UBE2L5: variants seen among roughly 807,000 people sequenced by gnomAD.
The protein encoded by UBE2L5 is ubiquitin conjugating enzyme E2 L5.
A neutral mutation model predicts 10.0 loss-of-function variants in UBE2L5; 3 were observed. The ratio of observed to expected loss-of-function variants is 0.30; its 90% CI spans 0.14 to 0.78. The LOEUF (loss-of-function observed/expected upper bound fraction) is 0.78, where lower values mean the gene tolerates loss of function less well. UBE2L5 is among the 30% of genes least tolerant of loss of function. The pLI is 0.65. For synonymous variants in UBE2L5, 60 were observed against 71.9 expected (o/e 0.83, Z 0.83); for missense variants, 131 against 193.3 (o/e 0.68, Z 1.91).
At chr13:30,427,327 A>G (rs574393600) in intron 3 of UBE2L5, 34 bp from the exon 4 acceptor site, 1 of 152,342 alleles carries the variant, frequency 6.6e-6, no homozygotes, top group South Asian at 2.1e-4. Context: ...GATACATTTT[A>G]TCATTTCCCA....
In UBE2L5 at chr13:30,427,782, C is replaced by T. The variant is rs567949910; in HGVS notation, c.-209C>T. On this transcript the variant is annotated 5_prime_UTR_variant, in exon 4 of 4. The change creates a premature stop within an existing upstream ORF in the 5' untranslated region. Coordinates refer to ENST00000635918, the MANE Select transcript of UBE2L5 (RefSeq NM_001355247.2). ...TGGTGCCACTGCACTCCAGCCTGGG[C>T]AACAGAGAGAGACTCTGGCTAAAAA... 1.6e-5 allele frequency: 9 copies of T among 564,860 alleles called. No homozygotes were observed. The South Asian group carries it at 2.1e-4, about 13-fold the overall frequency. 35.0% of individuals were successfully genotyped at this position (564,860 alleles called of 1,614,324 possible).
At position 30,428,179 on chromosome 13, in the gene UBE2L5, C is replaced by A; in HGVS notation, c.189C>A (p.Phe63Leu). Reference sequence around the variant, plus strand: ...TCAACTTTCCAGCAGAGTACCCATTCAAACCACCGAGGATCACATTTAAAA... The same window carrying A: ...TCAACTTTCCAGCAGAGTACCCATTAAAACCACCGAGGATCACATTTAAAA... The part of the protein sequence containing the change: ...IEINFPAEYP[F>L]KPPRITFKTK... The change falls in exon 4 of 4, where the codon TTC becomes TTA. Residue 63 changes from phenylalanine to leucine, a missense_variant. Transcript: ENST00000635918. 1 of 1,607,078 alleles carries A rather than the reference C, an allele frequency of 6.2e-7. No homozygotes were observed. Among genetic ancestry groups the A allele is most frequent in the Non-Finnish European group, 8.5e-7 (1 of 1,173,604 alleles).
intron 2 of UBE2L5, among the ~76,000 whole-genome samples, chr13:30,426,342 C>T (rs1423159487): frequency 5.3e-5 from 8 of 151,894 alleles, no homozygotes; most frequent in African/African-American, 1.5e-4. Flanking sequence ...AGTATGGATG[C>T]GAGTCGGGGC....
rs1885560297 is a variant in UBE2L5, at chr13:30,427,817, T to A, written c.-174T>A. The A allele has an allele frequency of 2.1e-5, 12 of 571,042 alleles. No individual in the cohort carries two copies. Among genetic ancestry groups the A allele is most frequent in the South Asian group, 1.0e-4 (4 of 39,770 alleles). 35.4% of individuals were successfully genotyped at this position (571,042 alleles called of 1,614,324 possible). ...AGACTCTGGCTAAAAAAAAAAAAAA[T>A]TATAATGTATAGGATTGTGGATGAT... On this transcript the variant is annotated 5_prime_UTR_variant, in exon 4 of 4. Transcript: ENST00000635918.
chr13:30,428,210 A>T lies in UBE2L5; in HGVS notation c.220A>T (p.Ile74Phe). 6.2e-7 allele frequency: 1 copy of T among 1,608,650 alleles called. No individual in the cohort carries two copies. The highest frequency in any genetic ancestry group is 8.5e-7 in the Non-Finnish European group (1 of 1,175,100). The change falls in exon 4 of 4, where the codon ATC becomes TTC. Residue 74 changes from isoleucine (I) to phenylalanine (F), a missense_variant. Ile to Phe is a conservative substitution (Grantham distance 21). Transcript: ENST00000635918. ...ACCGAGGATCACATTTAAAACAAAGATCTATCACCCGAACATCGACGAAAA... is the reference window on the plus strand; with the variant it reads ...ACCGAGGATCACATTTAAAACAAAGTTCTATCACCCGAACATCGACGAAAA... ...KPPRITFKTKIYHPNIDEKGQ... is the reference protein window; with the variant it reads ...KPPRITFKTKFYHPNIDEKGQ...
Position 30,428,516 on chromosome 13 carries a change from C to A in UBE2L5, c.*61C>A. On this transcript the variant is annotated 3_prime_UTR_variant, in exon 4 of 4. Transcript: ENST00000635918. The stretch of plus-strand genomic sequence containing the variant: ...AGACCCCGTGCAGTACATTCAGACA[C>A]CCCGCAAAGCAGGACTCTGTGGAAA... 1 of 1,567,246 alleles carries A rather than the reference C, an allele frequency of 6.4e-7. No individual in the cohort carries two copies. The highest frequency in any genetic ancestry group is 8.6e-7 in the Non-Finnish European group (1 of 1,158,880).
intron 1 of UBE2L5, among the ~76,000 whole-genome samples, chr13:30,424,153 T>C (rs960690624): frequency 1.3e-5 from 2 of 152,188 alleles, no homozygotes; most frequent in Non-Finnish European, 2.9e-5. Context: ...AACAGCAGTG[T>C]TAGGTGTGAG....
intron 3 of UBE2L5, chr13:30,427,069 C>T (rs1242603484): frequency 6.6e-6 from 1 of 152,066 alleles, no homozygotes; most frequent in African/African-American, 2.4e-5. Flanking sequence ...CTTTTCATGT[C>T]GTTCTGGGTA....
rs991657701 is a variant in UBE2L5 at position 30,422,587 on chromosome 13, C to T, written c.-869C>T. On this transcript the variant is annotated 5_prime_UTR_variant, in exon 1 of 4. Coordinates refer to ENST00000635918, the MANE Select transcript of UBE2L5 (RefSeq NM_001355247.2). Reference sequence around the variant, plus strand: ...AAAACTACAATTAAAAAAACATAGCCGTGAAAATAAATGAGATTAGAACCT... The same window carrying T: ...AAAACTACAATTAAAAAAACATAGCTGTGAAAATAAATGAGATTAGAACCT... 2 of 152,178 alleles carry T rather than the reference C, an allele frequency of 1.3e-5. No individual in the cohort carries two copies. The highest frequency in any genetic ancestry group is 1.3e-4 in the Admixed American group (2 of 15,280). The allele number at this position is 152,178 out of a possible 1,614,324, so 9.4% of individuals were successfully genotyped here.
In UBE2L5 at chr13:30,427,705, G is replaced by A. The variant is rs1225292182; in HGVS notation, c.-286G>A. ...TGTAATCACAGCCACTTGGGAGGCC[G>A]AGGCGAGAGGATGGCTTGAACCCGG... On this transcript the variant is annotated 5_prime_UTR_variant, in exon 4 of 4. Transcript: ENST00000635918. 1.5e-5 allele frequency: 6 copies of A among 410,886 alleles called. No homozygotes were observed. Among genetic ancestry groups the A allele is most frequent in the African/African-American group, 2.1e-5 (1 of 48,568 alleles). 25.5% of individuals were successfully genotyped at this position (410,886 alleles called of 1,614,324 possible).
At chr13:30,426,986 T>C (rs1401195397) in intron 3 of UBE2L5, 1 of 152,240 alleles carries the variant, frequency 6.6e-6, no homozygotes, top group Non-Finnish European at 1.5e-5. Context: ...GTGCCATTAA[T>C]AATTTATTGT....
At chr13:30,423,743 T>A (rs1297411189) in intron 1 of UBE2L5, among the ~76,000 whole-genome samples, 1 of 152,260 alleles carries the variant, frequency 6.6e-6, no homozygotes, top group African/African-American at 2.4e-5. Flanking sequence ...CACAAAAATT[T>A]GGCCTTCAGG....
chr13:30,426,835 T>A (rs1885545237), intron 3 of UBE2L5, 57 bp downstream of exon 3: 1 of 152,238 alleles, frequency 6.6e-6, no homozygotes, highest in African/African-American at 2.4e-5. Context: ...TGCAGAGAAG[T>A]CTTATTGAAG....
Position 30,428,448 on chromosome 13 carries a change from T to C in UBE2L5, c.458T>C (p.Val153Ala), listed in dbSNP as rs1177386586. 41 of 1,610,774 alleles carry C rather than the reference T, an allele frequency of 2.5e-5. No homozygotes were observed. The highest frequency in any genetic ancestry group is 3.4e-5 in the Non-Finnish European group (40 of 1,179,508). The part of the protein sequence containing the change: ...FTKKYGEKRP[V>A]D The stretch of plus-strand genomic sequence containing the variant: ...AAGAAATATGGGGAAAAGCGACCTG[T>C]GGACTAAAATGTGCCACGATTGGTT... Residue 153 changes from valine to alanine, a missense_variant, in exon 4 of 4, where the codon GTG (valine) becomes GCG (alanine). Physicochemically the swap from Val to Ala is moderately conservative, Grantham distance 64. Coordinates refer to ENST00000635918, the MANE Select transcript of UBE2L5 (RefSeq NM_001355247.2).
chr13:30,429,416 G>A lies in UBE2L5; in HGVS notation c.*961G>A, dbSNP rs945107457. ...GTGGCATTGGTAAAGGAAATGAAACGCATGCAAATTTCACAGACAAAAGAG... is the reference window on the plus strand; with the variant it reads ...GTGGCATTGGTAAAGGAAATGAAACACATGCAAATTTCACAGACAAAAGAG... On this transcript the variant is annotated 3_prime_UTR_variant, in exon 4 of 4. Coordinates refer to ENST00000635918, the MANE Select transcript of UBE2L5 (RefSeq NM_001355247.2). 3.3e-5 allele frequency among the ~76,000 whole-genome samples: 5 copies of A among 152,126 alleles called. No individual in the cohort carries two copies. The highest frequency in any genetic ancestry group is 3.9e-4 in the East Asian group (2 of 5,188).
intron 1 of UBE2L5, among the ~76,000 whole-genome samples, chr13:30,423,321 T>C (rs540633006): frequency 2.8e-4 from 43 of 152,270 alleles, no homozygotes; most frequent in Non-Finnish European, 5.7e-4. Context: ...TCCTTTAAAA[T>C]AAACTAGGGC....
In UBE2L5 at chr13:30,428,849, CT is replaced by C. The variant is rs56343313; in HGVS notation, c.*412del. 4.6e-3 allele frequency among the ~76,000 whole-genome samples: 563 copies of C among 123,218 alleles called. 5 individuals carry two copies. Among genetic ancestry groups the C allele is most frequent in the African/African-American group, 0.016 (517 of 32,902 alleles). 80.8% of individuals were successfully genotyped at this position (123,218 alleles called of 152,430 possible). A position where few individuals can be genotyped will look rare whatever the true frequency, so the allele number is the denominator to read the frequency against. On this transcript the variant is annotated 3_prime_UTR_variant, in exon 4 of 4. Coordinates refer to ENST00000635918, the MANE Select transcript of UBE2L5 (RefSeq NM_001355247.2). ...AAGAGATTGTATGCTATATTCCTTG[CT>C]TTTTTTTTTTTTTTTTTGGTGGATG... is the stretch of plus-strand genomic sequence containing the variant.
chr13:30,425,749 G>A (rs140599904), intron 2 of UBE2L5, among the ~76,000 whole-genome samples: 52 of 151,880 alleles, frequency 3.4e-4, no homozygotes, highest in African/African-American at 1.2e-3. Flanking sequence ...TAGGCCGGGC[G>A]TGGTGTTTCA....
At chr13:30,425,370 T>C (rs1885522320) in intron 2 of UBE2L5, among the ~76,000 whole-genome samples, 1 of 152,172 alleles carries the variant, frequency 6.6e-6, no homozygotes, top group Non-Finnish European at 1.5e-5. Context: ...GAGCACCTAC[T>C]AGAAACACAG....
Sources: allele counts gnomAD v4.1 joint callset (sites outside exome capture counted in the v4.1 genomes callset), GRCh38; gene constraint gnomAD v4.1.1; transcripts MANE v1.5; gene names NCBI Gene and HGNC (gene_info 2026-07-23, HGNC 2026-07-21).